SCFD1: variants seen among roughly 807,000 people sequenced by gnomAD.
The protein encoded by SCFD1 is sec1 family domain containing 1.
A neutral mutation model predicts 103.2 loss-of-function variants in SCFD1; 37 were observed. That is an observed-to-expected ratio of 0.36 (90% CI 0.28 to 0.47). The LOEUF (loss-of-function observed/expected upper bound fraction) is 0.47. Among genes scored for constraint, SCFD1 ranks in the 20% least tolerant of loss-of-function variants. The pLI is 1.00. For missense variants in SCFD1, 639 were observed against 761.2 expected (o/e 0.84, Z 1.89); for synonymous variants, 264 against 245.0 (o/e 1.08, Z -0.73).
At chr14:30,727,605 C>T (rs1893137792) in intron 23 of SCFD1, among the ~76,000 whole-genome samples, 1 of 152,202 alleles carries the variant, frequency 6.6e-6, no homozygotes, top group Non-Finnish European at 1.5e-5. Flanking sequence ...CTCTTGCTCC[C>T]AGGCTCTTAC....
rs1885470049 is a variant in SCFD1 at position 30,643,276 on chromosome 14, G to A, written c.524-40G>A. Reference sequence around the variant, plus strand: ...GGAGTTTTAGAAAGATGAGGCATAAGTTTGGGTCAACTTTTTCTCCTTTTC... The same window carrying A: ...GGAGTTTTAGAAAGATGAGGCATAAATTTGGGTCAACTTTTTCTCCTTTTC... On this transcript the variant is annotated intron_variant, in intron 6 of 24. Coordinates refer to ENST00000458591, the MANE Select transcript of SCFD1 (RefSeq NM_016106.4). The A allele has an allele frequency of 4.0e-6, 5 of 1,260,142 alleles. No homozygotes were observed. The East Asian group carries it at 1.2e-4, about 29-fold the overall frequency. 78.1% of individuals were successfully genotyped at this position (1,260,142 alleles called of 1,614,324 possible).
At chr14:30,633,716 G>A (rs1266369818) in intron 3 of SCFD1, among the ~76,000 whole-genome samples, 1 of 152,178 alleles carries the variant, frequency 6.6e-6, no homozygotes, top group Non-Finnish European at 1.5e-5. Context: ...AGTGCTAAAA[G>A]TGTGAGCAGA....
intron 14 of SCFD1, among the ~76,000 whole-genome samples, chr14:30,678,067 T>C (rs1477396300): frequency 1.3e-5 from 2 of 151,960 alleles, no homozygotes; most frequent in African/African-American, 4.8e-5. Context: ...CACCATCTCT[T>C]GACCTCATGA....
chr14:30,732,999 G>A (rs1296185753), intron 23 of SCFD1, among the ~76,000 whole-genome samples: 1 of 150,360 alleles, frequency 6.7e-6, no homozygotes, highest in Non-Finnish European at 1.5e-5. Flanking sequence ...TATAAAGTTC[G>A]ATTTTTTTTT....
At chr14:30,719,004 C>G (rs776810286) in intron 20 of SCFD1, among the ~76,000 whole-genome samples, 1 of 152,120 alleles carries the variant, frequency 6.6e-6, no homozygotes, top group Non-Finnish European at 1.5e-5. Flanking sequence ...AAATAGACTG[C>G]CTGGGTTCAA....
At chr14:30,721,686 CT>C (rs1892661584) in intron 21 of SCFD1, 197 bp from the exon 22 acceptor site, 1 of 554,756 alleles carries the variant, frequency 1.8e-6, no homozygotes, top group Admixed American at 4.0e-5. Context: ...AGATATCTCC[CT>C]TTTCTAGCTG....
chr14:30,719,062 C>T (rs1892473087), intron 20 of SCFD1, among the ~76,000 whole-genome samples: 1 of 152,114 alleles, frequency 6.6e-6, no homozygotes, highest in Admixed American at 6.5e-5. Context: ...AGAAAAGTTA[C>T]ATAACTTTTC....
chr14:30,708,414 G>A (rs1295717349), intron 19 of SCFD1, among the ~76,000 whole-genome samples: 1 of 151,830 alleles, frequency 6.6e-6, no homozygotes, highest in Non-Finnish European at 1.5e-5. Flanking sequence ...GCTCCCATGT[G>A]GTATTTGGTT....
chr14:30,658,196 C>G (rs1030548148), intron 10 of SCFD1: 6 of 430,802 alleles, frequency 1.4e-5, no homozygotes, highest in African/African-American at 1.2e-4. Context: ...CTTAGGTTCT[C>G]TTTTTGTACC....
At chr14:30,698,747 G>C (rs145970498) in intron 15 of SCFD1, among the ~76,000 whole-genome samples, 20 of 152,266 alleles carry the variant, frequency 1.3e-4, no homozygotes, top group Non-Finnish European at 2.6e-4. Context: ...CACCAAAAAG[G>C]GAAGGCCAAG....
rs1887635701 is a variant in SCFD1 at position 30,663,540 on chromosome 14, G to C, written c.856-6716G>C. ...TCACTTTCTTGCCCTATGATAATAT[G>C]AGGGGTCTATAGGAAAAACAGTAAT... On this transcript the variant is annotated intron_variant, in intron 10 of 24. Transcript: ENST00000458591. 2.0e-5 allele frequency among the ~76,000 whole-genome samples: 3 copies of C among 152,166 alleles called. No homozygotes were observed. The South Asian group carries it at 6.2e-4, about 31-fold the overall frequency.
chr14:30,666,533 C>T (rs1442839735), intron 10 of SCFD1, among the ~76,000 whole-genome samples: 2 of 151,812 alleles, frequency 1.3e-5, no homozygotes, highest in Non-Finnish European at 2.9e-5. Flanking sequence ...TAGCGGAAGG[C>T]AAGAAATAAC....
intron 8 of SCFD1, 60 bp from the exon 9 acceptor site, chr14:30,650,505 A>G (rs1886296334): frequency 3.1e-6 from 3 of 971,720 alleles, no homozygotes; most frequent in Non-Finnish European, 4.8e-6. Flanking sequence ...CACATTTTGA[A>G]TTAACCTCCA....
At chr14:30,637,729 C>G (rs952272267) in intron 4 of SCFD1, among the ~76,000 whole-genome samples, 1 of 152,100 alleles carries the variant, frequency 6.6e-6, no homozygotes, top group Non-Finnish European at 1.5e-5. Context: ...TATAACTTGT[C>G]TGTGTGCAAT....
At chr14:30,644,032 T>C (rs1458826555) in intron 7 of SCFD1, 1 of 453,728 alleles carries the variant, frequency 2.2e-6, no homozygotes, top group Middle Eastern at 3.3e-4. Context: ...GACCCCAATA[T>C]CTATTATTCT....
At position 30,715,838 on chromosome 14, in the gene SCFD1, T is replaced by C. The variant is rs529494543; in HGVS notation, c.1630-86T>C. 2.6e-5 allele frequency: 18 copies of C among 692,540 alleles called. No homozygotes were observed. The South Asian group carries it at 2.6e-4, about 10-fold the overall frequency. The allele number at this position is 692,540 out of a possible 1,614,324, so 42.9% of individuals were successfully genotyped here. A position where few individuals can be genotyped will look rare whatever the true frequency, so the allele number is the denominator to read the frequency against. ...AATGTGTTTAATTGAAAGGTAAGCATACTTAACTGTAGAATGATCAGGTTG... is the reference window on the plus strand; with the variant it reads ...AATGTGTTTAATTGAAAGGTAAGCACACTTAACTGTAGAATGATCAGGTTG... On this transcript the variant is annotated intron_variant, in intron 19 of 24. Transcript: ENST00000458591.
At chr14:30,659,906 C>T (rs1467301128) in intron 10 of SCFD1, among the ~76,000 whole-genome samples, 2 of 152,102 alleles carry the variant, frequency 1.3e-5, no homozygotes, top group East Asian at 3.8e-4. Flanking sequence ...TTTCAAATAA[C>T]ACAAATACAG....
intron 23 of SCFD1, 46 bp downstream of exon 23, chr14:30,722,605 A>G: frequency 8.1e-7 from 1 of 1,233,684 alleles, no homozygotes; most frequent in South Asian, 1.4e-5. Flanking sequence ...ATGGTTTCAT[A>G]GGTAGAACAC....
intron 10 of SCFD1, among the ~76,000 whole-genome samples, chr14:30,665,100 C>G (rs974481584): frequency 1.3e-5 from 2 of 151,976 alleles, no homozygotes; most frequent in Non-Finnish European, 2.9e-5. Flanking sequence ...GTCAGATTCA[C>G]CAAGGTGAAA....
Sources: allele counts gnomAD v4.1 joint callset (sites outside exome capture counted in the v4.1 genomes callset), GRCh38; gene constraint gnomAD v4.1.1; transcripts MANE v1.5; gene names NCBI Gene and HGNC (gene_info 2026-07-23, HGNC 2026-07-21).